PDZD9: variants seen among roughly 807,000 people sequenced by gnomAD.
PDZD9 encodes PDZ domain containing 9.
Under a neutral mutation model 16.3 loss-of-function variants are expected in PDZD9, and 13 were observed. The ratio of observed to expected loss-of-function variants is 0.80; its 90% CI spans 0.52 to 1.27. The LOEUF is 1.27. PDZD9 is among the 50% of genes most tolerant of loss of function. The probability of loss-of-function intolerance (pLI) is 0.00; values close to 1 mark genes in which losing one functional copy is unlikely to be tolerated. For synonymous variants in PDZD9, 120 were observed against 111.0 expected, an observed-to-expected ratio of 1.08 and a Z score of -0.51; for missense variants, 288 against 310.9, an observed-to-expected ratio of 0.93 and a Z score of 0.55.
At chr16:21,965,534 C>G in the PDZD9 span, 1 of 1,486,612 alleles carries the variant, frequency 6.7e-7, no homozygotes, top group Non-Finnish European at 9.0e-7. Flanking sequence ...TTGAAATGTG[C>G]TTGTTTTTCA....
the PDZD9 span, chr16:21,974,085 T>C: frequency 3.2e-6 from 3 of 946,624 alleles, no homozygotes; most frequent in Non-Finnish European, 4.8e-6. Context: ...TGCAATGACT[T>C]ATCAGAGCTC....
the PDZD9 span, chr16:21,973,975 A>G: frequency 1.9e-6 from 3 of 1,606,160 alleles, no homozygotes; most frequent in South Asian, 2.2e-5. Context: ...GCTGCTGGAG[A>G]TGTAAGTTGC....
the PDZD9 span, among the ~76,000 whole-genome samples, chr16:21,978,554 A>C: frequency 6.6e-6 from 1 of 152,192 alleles, no homozygotes; most frequent in African/African-American, 2.4e-5. Context: ...CTCACAGACA[A>C]ATCTCAGCAA....
chr16:21,999,201 G>A, intron 1 of PDZD9: 1 of 182,784 alleles, frequency 5.5e-6, no homozygotes, highest in Non-Finnish European at 1.2e-5. Context: ...GCATGCTCAG[G>A]ATGAACTATT....
the PDZD9 span, chr16:21,962,200 T>C: frequency 2.2e-6 from 1 of 453,886 alleles, no homozygotes; most frequent in Admixed American, 3.4e-5. Context: ...TGGCTTATTA[T>C]CCTTAGCATA....
chr16:21,997,650 G>GT (rs1281576627), intron 1 of PDZD9, among the ~76,000 whole-genome samples: 1 of 152,212 alleles, frequency 6.6e-6, no homozygotes, highest in Non-Finnish European at 1.5e-5. Flanking sequence ...GAGACAAGGG[G>GT]TAGTGGGAGA....
At chr16:22,000,199 G>A (rs1434785721) in intron 1 of PDZD9, among the ~76,000 whole-genome samples, 1 of 151,908 alleles carries the variant, frequency 6.6e-6, no homozygotes, top group Non-Finnish European at 1.5e-5. Flanking sequence ...ACAAGACTCT[G>A]TCTCTAAAAA....
intron 3 of PDZD9, 35 bp from the exon 4 acceptor site, chr16:21,984,695 T>C (rs781489205): frequency 8.7e-5 from 126 of 1,442,728 alleles, no homozygotes; most frequent in Admixed American, 1.8e-4. Flanking sequence ...AAATAGATTC[T>C]TCATGTCTAA....
the PDZD9 span, among the ~76,000 whole-genome samples, chr16:21,973,150 C>T: frequency 6.6e-6 from 1 of 152,090 alleles, no homozygotes; most frequent in Admixed American, 6.5e-5. Context: ...CCTTCTTATG[C>T]TTTACGTGGA....
the PDZD9 span, chr16:21,968,523 T>C: frequency 3.4e-5 from 33 of 962,304 alleles, no homozygotes; most frequent in African/African-American, 4.9e-4. Flanking sequence ...CAGCAACTTA[T>C]AAGGCCTTAT....
chr16:21,984,379 T>G lies in PDZD9; in HGVS notation c.683A>C (p.Gln228Pro). 2 of 1,614,188 alleles carry G rather than the reference T, an allele frequency of 1.2e-6. No individual in the cohort carries two copies. Among genetic ancestry groups the G allele is most frequent in the Non-Finnish European group, 8.5e-7 (1 of 1,180,026 alleles). ...AGAGGAGGAAGAGCTTTCATTGTCTTGCTTCACCATTATCCAGTATGGAGA... is the reference window on the plus strand; with the variant it reads ...AGAGGAGGAAGAGCTTTCATTGTCTGGCTTCACCATTATCCAGTATGGAGA... ...APSPYWIMVK[Q>P]DNESSSSSTS... Residue 228 changes from glutamine to proline, a missense_variant, in exon 4 of 4, where the codon CAA (glutamine) becomes CCA (proline). Transcript: ENST00000424898.
At chr16:21,982,203 C>T (rs1898748788), downstream of PDZD9, among the ~76,000 whole-genome samples, 1 of 151,962 alleles carries the variant, frequency 6.6e-6, no homozygotes, top group African/African-American at 2.4e-5. Context: ...CGTCCCAACC[C>T]GACTGCTTCC....
the PDZD9 span, chr16:21,973,760 C>G: frequency 1.4e-6 from 1 of 715,554 alleles, no homozygotes; most frequent in Non-Finnish European, 2.3e-6. Flanking sequence ...CAGTTCGTGA[C>G]AGAACTGGCT....
intron 1 of PDZD9, 114 bp from the exon 2 acceptor site, chr16:21,996,615 G>T: frequency 9.9e-7 from 1 of 1,012,182 alleles, no homozygotes; most frequent in Non-Finnish European, 1.4e-6. Context: ...CTGTTCCTCA[G>T]ATTCCTTGTC....
intron 2 of PDZD9, among the ~76,000 whole-genome samples, chr16:21,994,351 G>C (rs962324866): frequency 6.6e-6 from 1 of 152,214 alleles, no homozygotes; most frequent in Non-Finnish European, 1.5e-5. Context: ...CCTGAATCAG[G>C]ACAGCTAACA....
Position 21,984,269 on chromosome 16 carries a change from A to G in PDZD9, c.793T>C (p.Ter265GlnextTer32). The G allele has an allele frequency of 6.2e-7, 1 of 1,604,654 alleles. No individual in the cohort carries two copies. Among genetic ancestry groups the G allele is most frequent in the Non-Finnish European group, 8.5e-7 (1 of 1,173,828 alleles). ...ATGCTCATATGACCACAGATTTGCTAACCAACCTTTGATACCAGTTGGGCT... is the reference window on the plus strand; with the variant it reads ...ATGCTCATATGACCACAGATTTGCTGACCAACCTTTGATACCAGTTGGGCT... ...GKAQLVSKVG[*>Q] Residue 265 changes from the stop codon to glutamine, a stop_lost, in exon 4 of 4, where the codon TAG becomes CAG. Coordinates refer to ENST00000424898, the MANE Select transcript of PDZD9 (RefSeq NM_001363519.1).
In PDZD9 at chr16:21,996,396, T is replaced by A. The variant is rs769202580; in HGVS notation, c.137A>T (p.Gln46Leu). Residue 46 changes from glutamine (Q) to leucine (L), a missense_variant, in exon 2 of 4, where the codon CAG (glutamine) becomes CTG (leucine). Physicochemically the swap from Gln to Leu is moderately radical, Grantham distance 113. Coordinates refer to ENST00000424898, the MANE Select transcript of PDZD9 (RefSeq NM_001363519.1). ...GSLGLGLIII[Q>L]HGPYLQITHL... ...GGTGATCTGGAGGTAGGGTCCATGC[T>A]GGATGATGATGAGGCCTAATCCCAG... 1.3e-4 allele frequency: 205 copies of A among 1,535,966 alleles called. No individual in the cohort carries two copies. The highest frequency in any genetic ancestry group is 2.6e-5 in the Non-Finnish European group (30 of 1,146,866).
the PDZD9 span, chr16:21,958,475 T>A: frequency 6.9e-7 from 1 of 1,449,398 alleles, no homozygotes; most frequent in Non-Finnish European, 9.7e-7. Flanking sequence ...TGATATAGTG[T>A]GATGTTTGGC....
downstream of PDZD9, chr16:21,983,833 A>G (rs1024201023): frequency 1.3e-5 from 2 of 154,014 alleles, no homozygotes; most frequent in African/African-American, 4.8e-5. Context: ...GGGAAAAAAA[A>G]AGAATTCTAA....
Sources: gnomAD v4.1 joint callset for allele counts (sites outside exome capture counted in the v4.1 genomes callset) on GRCh38, gnomAD v4.1.1 for gene constraint, MANE v1.5 for transcripts, NCBI Gene and HGNC (gene_info 2026-07-23, HGNC 2026-07-21) for gene names.